LDAH: variants seen among roughly 807,000 people sequenced by gnomAD.
The protein encoded by LDAH is lipid droplet associated hydrolase.
Under a neutral mutation model 29.6 loss-of-function variants are expected in LDAH, and 26 were observed. The observed-to-expected ratio is 0.88, with a 90% CI of 0.64 to 1.22. The LOEUF (loss-of-function observed/expected upper bound fraction) is 1.22, where lower values mean the gene tolerates loss of function less well. Among genes scored for constraint, LDAH ranks in the 50% most tolerant of loss-of-function variants. The probability of loss-of-function intolerance (pLI) is 0.00; values close to 1 mark genes in which losing one functional copy is unlikely to be tolerated. For missense variants in LDAH, 344 were observed against 387.3 expected (o/e 0.89, Z 0.94); for synonymous variants, 117 against 133.0 (o/e 0.88, Z 0.83).
chr2:20,771,997 C>T (rs1056398165), intron 4 of LDAH, among the ~76,000 whole-genome samples: 2 of 152,148 alleles, frequency 1.3e-5, no homozygotes, highest in Non-Finnish European at 2.9e-5. Context: ...CACCTGAAGG[C>T]AGGACAATAA....
At chr2:20,791,447 C>A (rs1670939899) in intron 2 of LDAH, among the ~76,000 whole-genome samples, 2 of 152,220 alleles carry the variant, frequency 1.3e-5, no homozygotes, top group South Asian at 4.1e-4. Flanking sequence ...GGTATTCAAA[C>A]TTGTACAACA....
At chr2:20,762,889 G>A (rs114828649) in intron 4 of LDAH, among the ~76,000 whole-genome samples, 12 of 152,262 alleles carry the variant, frequency 7.9e-5, no homozygotes, top group Non-Finnish European at 1.6e-4. Flanking sequence ...AACTATTTCC[G>A]TGCCTGAAGA....
chr2:20,712,946 C>T (rs1664879354), intron 5 of LDAH, among the ~76,000 whole-genome samples: 1 of 152,178 alleles, frequency 6.6e-6, no homozygotes, highest in Non-Finnish European at 1.5e-5. Flanking sequence ...GAGAATGAAA[C>T]CAAGTTGGAA....
intron 1 of LDAH, among the ~76,000 whole-genome samples, chr2:20,801,930 A>ATGTGTGTG (rs35921690): frequency 3.6e-5 from 5 of 140,220 alleles, no homozygotes; most frequent in African/African-American, 5.3e-5. Context: ...CCCAAATTCT[A>ATGTGTGTG]TGTGTGTGTG....
intron 3 of LDAH, among the ~76,000 whole-genome samples, chr2:20,788,487 G>C (rs1670711296): frequency 6.6e-6 from 1 of 152,142 alleles, no homozygotes; most frequent in African/African-American, 2.4e-5. Flanking sequence ...CCTTCAAAGA[G>C]TACAGGCTTT....
At chr2:20,707,272 C>T (rs1410725691) in intron 5 of LDAH, among the ~76,000 whole-genome samples, 2 of 152,194 alleles carry the variant, frequency 1.3e-5, no homozygotes, top group Non-Finnish European at 2.9e-5. Context: ...GCCTAAACTG[C>T]CTCATCCCTT....
intron 5 of LDAH, among the ~76,000 whole-genome samples, chr2:20,713,058 G>C (rs1216526567): frequency 6.6e-6 from 1 of 152,086 alleles, no homozygotes; most frequent in Non-Finnish European, 1.5e-5. Flanking sequence ...GATACTCCTC[G>C]AGAAGAGCAA....
At chr2:20,788,341 G>A (rs540901045) in intron 3 of LDAH, among the ~76,000 whole-genome samples, 1 of 152,252 alleles carries the variant, frequency 6.6e-6, no homozygotes, top group Non-Finnish European at 1.5e-5. Flanking sequence ...AAAGTATTCA[G>A]AGGAGTTCAC....
intron 6 of LDAH, among the ~76,000 whole-genome samples, chr2:20,690,367 C>G (rs956556506): frequency 6.6e-6 from 1 of 152,186 alleles, no homozygotes; most frequent in Admixed American, 6.5e-5. Context: ...TTTTATTTCT[C>G]GATTCTCTAC....
chr2:20,796,353 G>C (rs565704657), intron 2 of LDAH, among the ~76,000 whole-genome samples: 6 of 152,228 alleles, frequency 3.9e-5, no homozygotes, highest in African/African-American at 1.4e-4. Flanking sequence ...TGGGGAAGTG[G>C]GTGGGTTGTC....
At chr2:20,719,046 T>C (rs1158280962) in intron 5 of LDAH, among the ~76,000 whole-genome samples, 1 of 151,866 alleles carries the variant, frequency 6.6e-6, no homozygotes, top group African/African-American at 2.4e-5. Context: ...TAGCAATAAA[T>C]GCCTATGTCA....
intron 1 of LDAH, among the ~76,000 whole-genome samples, chr2:20,801,930 ATGTGTGTGTGTGTGTGTGTG>A (rs35921690): frequency 7.1e-6 from 1 of 140,138 alleles, no homozygotes; most frequent in Admixed American, 7.1e-5. Context: ...CCCAAATTCT[ATGTGTGTGTGTGTGTGTGTG>A]TGTGTGTATG....
At chr2:20,759,927 C>A (rs1027469399) in intron 4 of LDAH, among the ~76,000 whole-genome samples, 6 of 152,222 alleles carry the variant, frequency 3.9e-5, no homozygotes, top group Non-Finnish European at 5.9e-5. Context: ...TATCCTACCA[C>A]TATTAACCTC....
rs116501939 is a variant in LDAH at position 20,716,898 on chromosome 2, C to T, written c.704-15246G>A. On this transcript the variant is annotated intron_variant, in intron 5 of 6. Transcript: ENST00000237822. ...CAGACAAGAAGAGCCTGGCTGACAACTTGATTTGAGCATGAACTCCTTACC... is the reference window on the plus strand; with the variant it reads ...CAGACAAGAAGAGCCTGGCTGACAATTTGATTTGAGCATGAACTCCTTACC... 4.8e-3 allele frequency among the ~76,000 whole-genome samples: 588 copies of T among 123,032 alleles called. 3 individuals are homozygous for T. The highest frequency in any genetic ancestry group is 0.015 in the African/African-American group (570 of 36,958). 80.7% of individuals were successfully genotyped at this position (123,032 alleles called of 152,430 possible).
chr2:20,806,868 C>A (rs1672097006), intron 1 of LDAH, among the ~76,000 whole-genome samples: 1 of 149,270 alleles, frequency 6.7e-6, no homozygotes. Context: ...AGCCATTTGG[C>A]CTAAGGAATT....
chr2:20,796,011 T>C (rs766207081), intron 2 of LDAH, among the ~76,000 whole-genome samples: 17 of 146,596 alleles, frequency 1.2e-4, no homozygotes, highest in African/African-American at 3.8e-4. Flanking sequence ...TCCCACAAAC[T>C]AATGAGCAGG....
At chr2:20,696,677 T>C (rs1365738906) in intron 6 of LDAH, among the ~76,000 whole-genome samples, 1 of 152,232 alleles carries the variant, frequency 6.6e-6, no homozygotes, top group East Asian at 1.9e-4. Context: ...TTTCAATGAA[T>C]GAGACATGCA....
chr2:20,779,353 G>A (rs996746859), intron 3 of LDAH, among the ~76,000 whole-genome samples: 3 of 151,988 alleles, frequency 2.0e-5, no homozygotes, highest in African/African-American at 7.3e-5. Flanking sequence ...CTGTTGAGGG[G>A]TGGGGCGGTG....
At chr2:20,728,985 T>C (rs1158906908) in intron 5 of LDAH, among the ~76,000 whole-genome samples, 3 of 152,238 alleles carry the variant, frequency 2.0e-5, no homozygotes, top group African/African-American at 7.2e-5. Flanking sequence ...TGAAGACATG[T>C]AGCTGAATGT....
Sources: allele counts gnomAD v4.1 joint callset (sites outside exome capture counted in the v4.1 genomes callset), GRCh38; gene constraint gnomAD v4.1.1; transcripts MANE v1.5; gene names NCBI Gene and HGNC (gene_info 2026-07-23, HGNC 2026-07-21).